The following FARS2 variants were observed in gnomAD, a reference collection of about 807,000 sequenced individuals.
The protein encoded by FARS2 is phenylalanyl-tRNA synthetase 2, mitochondrial, also known as phenylalanine--tRNA ligase, mitochondrial.
A neutral mutation model predicts 46.4 loss-of-function variants in FARS2; 40 were observed. The ratio of observed to expected loss-of-function variants is 0.86; its 90% CI spans 0.67 to 1.12. FARS2 has a LOEUF of 1.12. Ranked by LOEUF, FARS2 falls within the 50% of genes most tolerant of loss-of-function variation. The pLI, the probability that FARS2 is intolerant of heterozygous loss-of-function variation, is 0.00. For missense variants in FARS2, 513 were observed against 567.9 expected, an observed-to-expected ratio of 0.90 and a Z score of 0.98; for synonymous variants, 234 against 214.9, an observed-to-expected ratio of 1.09 and a Z score of -0.78.
chr6:5,659,564 G>A (rs1178610709), intron 6 of FARS2, among the ~76,000 whole-genome samples: 3 of 152,164 alleles, frequency 2.0e-5, no homozygotes, highest in Non-Finnish European at 4.4e-5. Flanking sequence ...GTAAAGTGGG[G>A]AGCTTTTGTT....
intron 5 of FARS2, among the ~76,000 whole-genome samples, chr6:5,592,426 C>A (rs918577662): frequency 4.4e-4 from 66 of 150,106 alleles, no homozygotes; most frequent in African/African-American, 1.3e-3. Flanking sequence ...ACAACAACAA[C>A]AAAAAACAAA....
intron 1 of FARS2, among the ~76,000 whole-genome samples, chr6:5,315,528 A>G (rs1769404919): frequency 2.0e-5 from 3 of 152,316 alleles, no homozygotes; most frequent in South Asian, 4.2e-4. Context: ...ACAGGAGTAA[A>G]TGGGAAATTC....
In FARS2 at chr6:5,753,183, A is replaced by C. The variant is rs1039270812; in HGVS notation, c.1218-18108A>C. On this transcript the variant is annotated intron_variant, in intron 6 of 6. Coordinates refer to ENST00000274680, the MANE Select transcript of FARS2 (RefSeq NM_006567.5). Reference sequence around the variant, plus strand: ...GAGGGAGGAGAGAGAGAGCAAGAACATGTGTTGTGTGAAAACATTATGAAT... The same window carrying C: ...GAGGGAGGAGAGAGAGAGCAAGAACCTGTGTTGTGTGAAAACATTATGAAT... 2.6e-5 allele frequency among the ~76,000 whole-genome samples: 4 copies of C among 152,298 alleles called. No homozygotes were observed. In the South Asian group the frequency reaches 8.3e-4, roughly 32 times the overall value.
At chr6:5,696,586 T>C (rs1181538911) in intron 6 of FARS2, among the ~76,000 whole-genome samples, 2 of 152,198 alleles carry the variant, frequency 1.3e-5, no homozygotes, top group African/African-American at 4.8e-5. Context: ...AGAACTAAGG[T>C]ATAAAATATT....
chr6:5,600,274 A>G (rs1485834564), intron 5 of FARS2, among the ~76,000 whole-genome samples: 1 of 152,220 alleles, frequency 6.6e-6, no homozygotes, highest in Non-Finnish European at 1.5e-5. Context: ...AGGTACAAAT[A>G]TGGGAAACAT....
chr6:5,695,978 C>G (rs1758082145), intron 6 of FARS2, among the ~76,000 whole-genome samples: 1 of 152,206 alleles, frequency 6.6e-6, no homozygotes, highest in African/African-American at 2.4e-5. Flanking sequence ...CTCAGCCTCA[C>G]TCATGATTAG....
chr6:5,628,999 A>C (rs1005523882), intron 6 of FARS2, among the ~76,000 whole-genome samples: 1 of 152,210 alleles, frequency 6.6e-6, no homozygotes, highest in Non-Finnish European at 1.5e-5. Flanking sequence ...CACAGGGTTG[A>C]GGCTGAGGTG....
intron 6 of FARS2, among the ~76,000 whole-genome samples, chr6:5,631,103 TA>T (rs907455353): frequency 2.0e-5 from 3 of 152,048 alleles, no homozygotes; most frequent in Non-Finnish European, 2.9e-5. Context: ...CCTCACAAAC[TA>T]AAAACAGCCT....
At chr6:5,742,716 C>T (rs767854130) in intron 6 of FARS2, among the ~76,000 whole-genome samples, 1 of 151,952 alleles carries the variant, frequency 6.6e-6, no homozygotes, top group Non-Finnish European at 1.5e-5. Flanking sequence ...AAAGAAGATA[C>T]GTTTGAGGGT....
chr6:5,340,065 C>T (rs939884453), intron 1 of FARS2, among the ~76,000 whole-genome samples: 14 of 152,168 alleles, frequency 9.2e-5, no homozygotes, highest in Non-Finnish European at 1.2e-4. Flanking sequence ...TTAACAATAA[C>T]GATATTAATA....
intron 6 of FARS2, among the ~76,000 whole-genome samples, chr6:5,639,302 A>G (rs1307509296): frequency 2.0e-5 from 3 of 152,222 alleles, no homozygotes. Flanking sequence ...GCCAGGGCCC[A>G]GTCTCTCTGC....
intron 4 of FARS2, among the ~76,000 whole-genome samples, chr6:5,507,484 T>C (rs1320731204): frequency 6.6e-6 from 1 of 152,244 alleles, no homozygotes; most frequent in Non-Finnish European, 1.5e-5. Flanking sequence ...CTTTTAATTT[T>C]TAGTACTTTC....
chr6:5,692,762 G>A (rs1336795122), intron 6 of FARS2, among the ~76,000 whole-genome samples: 1 of 152,180 alleles, frequency 6.6e-6, no homozygotes, highest in East Asian at 1.9e-4. Flanking sequence ...TGTAACCTGT[G>A]AACATGTGGG....
At chr6:5,740,389 GC>G (rs1761256338) in intron 6 of FARS2, among the ~76,000 whole-genome samples, 1 of 152,138 alleles carries the variant, frequency 6.6e-6, no homozygotes, top group Admixed American at 6.5e-5. Flanking sequence ...GACCTTTGAG[GC>G]CATTTTAATT....
At chr6:5,402,018 G>A (rs1183719365) in intron 2 of FARS2, among the ~76,000 whole-genome samples, 5 of 151,046 alleles carry the variant, frequency 3.3e-5, no homozygotes, top group Admixed American at 1.3e-4. Context: ...CCTCTTTAAC[G>A]GACTCCAATT....
Position 5,771,420 on chromosome 6 carries a change from C to T in FARS2, c.1347C>T (p.Gly449=), listed in dbSNP as rs1485427985. ...EAAVQLLGVE[G]RF The stretch of plus-strand genomic sequence containing the variant: ...CAGTCCAGCTGTTGGGTGTGGAGGG[C>T]AGGTTCTGATGTCACCACTTCACTC... Residue 449 remains glycine (G), a synonymous_variant, in exon 7 of 7, where the codon GGC becomes GGT. Transcript: ENST00000274680. 1.2e-6 allele frequency: 2 copies of T among 1,613,838 alleles called. No homozygotes were observed. The highest frequency in any genetic ancestry group is 1.7e-6 in the Non-Finnish European group (2 of 1,179,908).
intron 6 of FARS2, among the ~76,000 whole-genome samples, chr6:5,721,226 C>T (rs866870773): frequency 3.9e-5 from 6 of 152,014 alleles, no homozygotes; most frequent in African/African-American, 7.2e-5. Context: ...AAATCTTTTT[C>T]GGGTCTGGTC....
chr6:5,636,488 C>T (rs17141072), intron 6 of FARS2, among the ~76,000 whole-genome samples: 3,192 of 152,308 alleles, frequency 0.021, 91 homozygotes, highest in African/African-American at 0.053. Context: ...GCTTGACCCA[C>T]GAAGGAATTT....
At chr6:5,530,755 TTATA>T (rs1355839148) in intron 4 of FARS2, among the ~76,000 whole-genome samples, 1 of 146,942 alleles carries the variant, frequency 6.8e-6, no homozygotes, top group Admixed American at 6.8e-5. Flanking sequence ...AACTATATAT[TTATA>T]TATAAATATT....
Sources: allele counts gnomAD v4.1 joint callset (sites outside exome capture counted in the v4.1 genomes callset), GRCh38; gene constraint gnomAD v4.1.1; transcripts MANE v1.5; gene names NCBI Gene and HGNC (gene_info 2026-07-23, HGNC 2026-07-21).